Variants in ADAMTS3 observed in about 807,000 individuals in gnomAD.
ADAMTS3 encodes the protein ADAM metallopeptidase with thrombospondin type 1 motif 3.
ADAMTS3 carries 73 observed loss-of-function variants against 129.0 expected under a neutral mutation model. The observed-to-expected ratio is 0.57, with a 90% CI of 0.47 to 0.69. ADAMTS3 has a LOEUF of 0.69. Ranked by LOEUF, ADAMTS3 falls within the 30% of genes least tolerant of loss-of-function variation. The pLI, the probability that ADAMTS3 is intolerant of heterozygous loss-of-function variation, is 0.00. For synonymous variants in ADAMTS3, 477 were observed against 510.8 expected, an observed-to-expected ratio of 0.93 and a Z score of 0.89; for missense variants, 1,457 against 1,514.5, an observed-to-expected ratio of 0.96 and a Z score of 0.63.
chr4:72,528,622 A>G (rs1402610226), intron 3 of ADAMTS3, among the ~76,000 whole-genome samples: 1 of 152,064 alleles, frequency 6.6e-6, no homozygotes, highest in Non-Finnish European at 1.5e-5. Context: ...TATGCAAACA[A>G]AAGCATAAAA....
At chr4:72,371,922 C>A (rs568795336) in intron 4 of ADAMTS3, among the ~76,000 whole-genome samples, 2 of 151,370 alleles carry the variant, frequency 1.3e-5, no homozygotes, top group South Asian at 2.1e-4. Flanking sequence ...AAAAATGAAT[C>A]ATTCTGTGTT....
chr4:72,378,894 G>C (rs566734082), intron 4 of ADAMTS3, among the ~76,000 whole-genome samples: 8 of 152,040 alleles, frequency 5.3e-5, no homozygotes, highest in Non-Finnish European at 1.2e-4. Context: ...TTCTCTTTCA[G>C]ATTCTCGAGT....
intron 21 of ADAMTS3, among the ~76,000 whole-genome samples, chr4:72,286,230 T>C (rs987128853): frequency 6.6e-6 from 1 of 152,192 alleles, no homozygotes; most frequent in African/African-American, 2.4e-5. Context: ...CCAAGATCAA[T>C]AAAGCTTACT....
chr4:72,448,176 T>C (rs754317477), intron 3 of ADAMTS3, among the ~76,000 whole-genome samples: 1 of 151,764 alleles, frequency 6.6e-6, no homozygotes, highest in Non-Finnish European at 1.5e-5. Flanking sequence ...TAAGACATTT[T>C]ATTTTTAAGT....
intron 3 of ADAMTS3, among the ~76,000 whole-genome samples, chr4:72,469,877 T>C (rs192685065): frequency 6.2e-4 from 94 of 152,298 alleles, no homozygotes; most frequent in Non-Finnish European, 4.7e-4. Flanking sequence ...GAATACAGTA[T>C]ATAATATATA....
chr4:72,456,523 C>G (rs1291522335), intron 3 of ADAMTS3, among the ~76,000 whole-genome samples: 1 of 150,118 alleles, frequency 6.7e-6, no homozygotes, highest in African/African-American at 2.4e-5. Context: ...ATAGTATAAC[C>G]TTCACCAGCA....
At chr4:72,454,352 A>C (rs1465205944) in intron 3 of ADAMTS3, among the ~76,000 whole-genome samples, 1 of 151,734 alleles carries the variant, frequency 6.6e-6, no homozygotes. Flanking sequence ...AAAAAGTTAT[A>C]ATTAGAAAAT....
intron 3 of ADAMTS3, among the ~76,000 whole-genome samples, chr4:72,520,059 C>T (rs1178983825): frequency 2.0e-5 from 3 of 152,198 alleles, no homozygotes; most frequent in Non-Finnish European, 2.9e-5. Flanking sequence ...TTCTAACAGA[C>T]AGGACCCTCA....
intron 4 of ADAMTS3, among the ~76,000 whole-genome samples, chr4:72,403,290 C>A (rs1436277330): frequency 6.6e-6 from 1 of 151,894 alleles, no homozygotes; most frequent in African/African-American, 2.4e-5. Flanking sequence ...TCATGGTGAC[C>A]ACATTAATAC....
intron 4 of ADAMTS3, among the ~76,000 whole-genome samples, chr4:72,376,426 A>G (rs1482245407): frequency 6.6e-6 from 1 of 152,196 alleles, no homozygotes; most frequent in Non-Finnish European, 1.5e-5. Context: ...ATGGACGTTC[A>G]ATAAATATCC....
chr4:72,391,258 A>T (rs1244426034), intron 4 of ADAMTS3, among the ~76,000 whole-genome samples: 1 of 152,228 alleles, frequency 6.6e-6, no homozygotes. Flanking sequence ...TCACTTCTAA[A>T]ATACTAAACA....
chr4:72,386,908 G>A (rs1332655100), intron 4 of ADAMTS3, among the ~76,000 whole-genome samples: 1 of 152,066 alleles, frequency 6.6e-6, no homozygotes, highest in Non-Finnish European at 1.5e-5. Flanking sequence ...CTTACTCACT[G>A]ACCTTCCTAT....
At chr4:72,293,450 C>T (rs550995701) in intron 19 of ADAMTS3, among the ~76,000 whole-genome samples, 99 of 152,168 alleles carry the variant, frequency 6.5e-4, no homozygotes, top group Non-Finnish European at 1.0e-3. Context: ...CAGAAGGTTA[C>T]GTAAAAATCC....
In ADAMTS3 at chr4:72,313,825, T is replaced by G. The variant is rs929566885; in HGVS notation, c.1600-3A>C. ...ATGCAATGACCCTTATAGCACCACT[T>G]AGAAAAATGACAAAAGGTAATTATT... On this transcript the variant is annotated splice_region_variant and splice_polypyrimidine_tract_variant and intron_variant, in intron 11 of 21. Coordinates refer to ENST00000286657, the MANE Select transcript of ADAMTS3 (RefSeq NM_014243.3). The G allele has an allele frequency of 1.9e-6, 3 of 1,613,370 alleles. No individual in the cohort carries two copies. The Admixed American group carries it at 5.0e-5, about 27-fold the overall frequency.
Position 72,321,233 on chromosome 4 carries a change from A to T in ADAMTS3, c.946-363T>A, listed in dbSNP as rs956602390. Among the ~76,000 whole-genome samples the T allele has an allele frequency of 2.0e-5, 3 of 152,108 alleles. No individual in the cohort carries two copies. In the East Asian group the frequency reaches 5.8e-4, roughly 29 times the overall value. ...CTCACCCAGGCTGAAGTGCAGTGGCACCATCTGGACTCACTGCAACCTCTG... is the reference window on the plus strand; with the variant it reads ...CTCACCCAGGCTGAAGTGCAGTGGCTCCATCTGGACTCACTGCAACCTCTG... On this transcript the variant is annotated intron_variant, in intron 6 of 21. Coordinates refer to ENST00000286657, the MANE Select transcript of ADAMTS3 (RefSeq NM_014243.3).
At chr4:72,313,214 A>G (rs1210197572) in intron 12 of ADAMTS3, among the ~76,000 whole-genome samples, 3 of 152,194 alleles carry the variant, frequency 2.0e-5, no homozygotes, top group Non-Finnish European at 4.4e-5. Flanking sequence ...GAGTGAATGA[A>G]TAGATAACTT....
chr4:72,479,220 G>C (rs1719347919), intron 3 of ADAMTS3, among the ~76,000 whole-genome samples: 1 of 152,152 alleles, frequency 6.6e-6, no homozygotes, highest in African/African-American at 2.4e-5. Flanking sequence ...AACCAAAAAA[G>C]AGCCCGCATT....
At chr4:72,499,522 C>T (rs764348298) in intron 3 of ADAMTS3, among the ~76,000 whole-genome samples, 1 of 152,116 alleles carries the variant, frequency 6.6e-6, no homozygotes, top group East Asian at 1.9e-4. Context: ...AACCAAAAAT[C>T]AACTTCCTAT....
chr4:72,306,886 C>A (rs1398798708), intron 15 of ADAMTS3, among the ~76,000 whole-genome samples: 1 of 151,746 alleles, frequency 6.6e-6, no homozygotes, highest in Non-Finnish European at 1.5e-5. Flanking sequence ...TATCACATGT[C>A]CTAAAAATTA....
Sources: gnomAD v4.1 joint callset for allele counts (sites outside exome capture counted in the v4.1 genomes callset) on GRCh38, gnomAD v4.1.1 for gene constraint, MANE v1.5 for transcripts, NCBI Gene and HGNC (gene_info 2026-07-23, HGNC 2026-07-21) for gene names.